Variants in LPIN2 observed in about 807,000 individuals in gnomAD.
The protein encoded by LPIN2 is lipin 2.
Under a neutral mutation model 111.4 loss-of-function variants are expected in LPIN2, and 55 were observed. The observed-to-expected ratio is 0.49, with a 90% CI of 0.40 to 0.62. The LOEUF (loss-of-function observed/expected upper bound fraction) is 0.62, where lower values mean the gene tolerates loss of function less well. Ranked by LOEUF, LPIN2 falls within the 20% of genes least tolerant of loss-of-function variation. The probability of loss-of-function intolerance (pLI) is 0.00; values close to 1 mark genes in which losing one functional copy is unlikely to be tolerated. For synonymous variants in LPIN2, 425 were observed against 414.0 expected, an observed-to-expected ratio of 1.03 and a Z score of -0.32; for missense variants, 992 against 1,112.1, an observed-to-expected ratio of 0.89 and a Z score of 1.54.
chr18:2,935,243 A>G (rs2077270179), intron 7 of LPIN2, among the ~76,000 whole-genome samples: 1 of 152,236 alleles, frequency 6.6e-6, no homozygotes, highest in Non-Finnish European at 1.5e-5. Context: ...GATGAAATAT[A>G]TCACTAAACT....
At chr18:2,935,211 A>C (rs1170475115) in intron 7 of LPIN2, among the ~76,000 whole-genome samples, 2 of 152,242 alleles carry the variant, frequency 1.3e-5, no homozygotes, top group African/African-American at 4.8e-5. Flanking sequence ...TATTAAAATT[A>C]TATTTTGGAT....
intron 10 of LPIN2, 68 bp from the exon 11 acceptor site, chr18:2,928,728 CAG>C (rs2077171953): frequency 8.8e-6 from 10 of 1,137,678 alleles, no homozygotes; most frequent in South Asian, 6.2e-5. Context: ...GGGAGGGAAT[CAG>C]GGAGGGAGGG....
At chr18:2,921,703 G>A (rs767512780) in intron 17 of LPIN2, 56 bp from the exon 18 acceptor site, 32 of 1,264,084 alleles carry the variant, frequency 2.5e-5, no homozygotes, top group Non-Finnish European at 3.1e-5. Context: ...TTTCCCCAGT[G>A]AGTGGTCCTA....
intron 19 of LPIN2, 51 bp downstream of exon 19, chr18:2,920,727 A>G (rs3737514): frequency 1.3e-5 from 18 of 1,383,380 alleles, no homozygotes; most frequent in South Asian, 2.3e-5. Flanking sequence ...TCTGTCCCCA[A>G]CTGTACCCCT....
At chr18:2,938,953 C>A (rs1042757652) in intron 6 of LPIN2, among the ~76,000 whole-genome samples, 4 of 152,138 alleles carry the variant, frequency 2.6e-5, no homozygotes, top group Non-Finnish European at 5.9e-5. Flanking sequence ...CAGGAGTTTG[C>A]GATCAGGCCA....
At chr18:2,921,773 TCTC>T (rs1266078056) in intron 17 of LPIN2, 126 bp from the exon 18 acceptor site, 2 of 814,916 alleles carry the variant, frequency 2.5e-6, no homozygotes, top group Non-Finnish European at 4.1e-6. Context: ...AATCTTTCCT[TCTC>T]CTTCTTTGCC....
At chr18:2,924,309 C>T in intron 15 of LPIN2, 89 bp downstream of exon 15, 1 of 1,542,098 alleles carries the variant, frequency 6.5e-7, no homozygotes. Context: ...GGCTTCGAGC[C>T]CCAGGTGAGG....
chr18:2,922,442 A>G (rs2077069345), intron 16 of LPIN2, among the ~76,000 whole-genome samples: 1 of 151,898 alleles, frequency 6.6e-6, no homozygotes, highest in African/African-American at 2.4e-5. Flanking sequence ...GCCCGGCTTA[A>G]TTTTTATATT....
At chr18:2,971,007 C>A (rs73379008) in intron 1 of LPIN2, among the ~76,000 whole-genome samples, 8,856 of 152,198 alleles carry the variant, frequency 0.058, 564 homozygotes, top group African/African-American at 0.16. Flanking sequence ...TAGCAATGCA[C>A]CCTCTCTCCG....
chr18:2,937,989 T>G lies in LPIN2; in HGVS notation c.871A>C (p.Thr291Pro), dbSNP rs1317338394. The G allele has an allele frequency of 2.5e-6, 4 of 1,614,216 alleles. No individual in the cohort carries two copies. The highest frequency in any genetic ancestry group is 3.4e-6 in the Non-Finnish European group (4 of 1,180,036). ...SDHHPRTATI[T>P]PSENTHFRVI... ...CGAAAATGAGTATTTTCTGATGGTG[T>G]AATTGTAGCTGTCCTAGGATGATGG... The change falls in exon 7 of 20, where the codon ACA (threonine) becomes CCA (proline). Residue 291 changes from threonine to proline, a missense_variant. Around this residue, in one of 4 missense-constraint regions of LPIN2, gnomAD observed 709 missense variants for 753.2 expected, o/e 0.94. Coordinates refer to ENST00000677752, the MANE Select transcript of LPIN2 (RefSeq NM_001375808.2).
intron 1 of LPIN2, among the ~76,000 whole-genome samples, chr18:3,010,992 C>T (rs545101751): frequency 6.6e-6 from 1 of 152,270 alleles, no homozygotes; most frequent in East Asian, 1.9e-4. Context: ...CTGGTAAGGA[C>T]AAACTGCCTG....
intron 16 of LPIN2, among the ~76,000 whole-genome samples, chr18:2,923,516 AT>A (rs1386972572): frequency 1.3e-5 from 2 of 152,200 alleles, no homozygotes; most frequent in Non-Finnish European, 2.9e-5. Flanking sequence ...AGCTAAAAAA[AT>A]AACTGTCATT....
At position 2,970,971 on chromosome 18, in the gene LPIN2, A is replaced by G. The variant is rs767072952; in HGVS notation, c.-9-10122T>C. ...TGCTTTGTTGGACTGAGTAGGGCTCAGAAAAGGGAAGACGCTTTCCCAGTA... is the reference window on the plus strand; with the variant it reads ...TGCTTTGTTGGACTGAGTAGGGCTCGGAAAAGGGAAGACGCTTTCCCAGTA... On this transcript the variant is annotated intron_variant, in intron 1 of 19. Transcript: ENST00000677752. Among the ~76,000 whole-genome samples, 7 of 152,322 alleles carry G rather than the reference A, an allele frequency of 4.6e-5. No individual in the cohort carries two copies. The South Asian group carries it at 1.2e-3, about 27-fold the overall frequency.
chr18:2,975,527 T>C (rs142672590), intron 1 of LPIN2, among the ~76,000 whole-genome samples: 1,879 of 152,082 alleles, frequency 0.012, 14 homozygotes, highest in Non-Finnish European at 0.019. Context: ...AGCGACGGGG[T>C]TTCTCCATGT....
At chr18:2,927,642 G>C (rs2077153625) in intron 12 of LPIN2, 80 bp downstream of exon 12, 2 of 1,484,224 alleles carry the variant, frequency 1.3e-6, no homozygotes, top group African/African-American at 2.8e-5. Flanking sequence ...AAATTCCTGT[G>C]CCTGACAAAA....
At chr18:2,978,678 A>G (rs980021822) in intron 1 of LPIN2, among the ~76,000 whole-genome samples, 54 of 152,228 alleles carry the variant, frequency 3.5e-4, no homozygotes, top group African/African-American at 1.3e-3. Context: ...AAAACAAAAC[A>G]AAACAGTTAT....
chr18:2,927,402 G>A (rs1259000310), intron 12 of LPIN2, among the ~76,000 whole-genome samples: 1 of 152,224 alleles, frequency 6.6e-6, no homozygotes, highest in Admixed American at 6.5e-5. Context: ...AGGTAATACA[G>A]TGAAGCAGAA....
At chr18:2,977,591 T>C (rs974749327) in intron 1 of LPIN2, among the ~76,000 whole-genome samples, 1 of 152,138 alleles carries the variant, frequency 6.6e-6, no homozygotes, top group South Asian at 2.1e-4. Context: ...AGTCAGAGAC[T>C]GGGAAATGCT....
At chr18:2,998,090 G>T (rs2078372813) in intron 1 of LPIN2, among the ~76,000 whole-genome samples, 1 of 152,188 alleles carries the variant, frequency 6.6e-6, no homozygotes, top group Admixed American at 6.5e-5. Flanking sequence ...ATTAAATTCT[G>T]CATGGTGCCC....
Sources: allele counts gnomAD v4.1 joint callset (sites outside exome capture counted in the v4.1 genomes callset), GRCh38; gene constraint gnomAD v4.1.1; regional missense constraint gnomAD v4.1.1; transcripts MANE v1.5; gene names NCBI Gene and HGNC (gene_info 2026-07-23, HGNC 2026-07-21).